The following SULT1B1 variants were observed in gnomAD, a reference collection of about 807,000 sequenced individuals.
SULT1B1 encodes the protein sulfotransferase family 1B member 1.
SULT1B1 carries 28 observed loss-of-function variants against 34.6 expected under a neutral mutation model. That is an observed-to-expected ratio of 0.81 (90% CI 0.60 to 1.11). The LOEUF is 1.11. Ranked by LOEUF, SULT1B1 falls within the 50% of genes least tolerant of loss-of-function variation. The probability of loss-of-function intolerance (pLI) is 0.00; values close to 1 mark genes in which losing one functional copy is unlikely to be tolerated. For synonymous variants in SULT1B1, 147 were observed against 110.2 expected, an observed-to-expected ratio of 1.33 and a Z score of -2.09; for missense variants, 374 against 352.2, an observed-to-expected ratio of 1.06 and a Z score of -0.50.
In SULT1B1 at chr4:69,734,138, C is replaced by A. The variant is rs554426974; in HGVS notation, c.502G>T (p.Val168Leu). The A allele has an allele frequency of 1.4e-5, 22 of 1,604,028 alleles. No individual in the cohort carries two copies. Among genetic ancestry groups the A allele is most frequent in the Admixed American group, 1.2e-4 (7 of 59,280 alleles). Residue 168 changes from valine to leucine, a missense_variant and splice_region_variant, in exon 5 of 8, where the codon GTG (valine) becomes TTG (leucine). Physicochemically the swap from Val to Leu is conservative, Grantham distance 32. Transcript: ENST00000310613. ...CAATTTTAAGATAAAGTCCACATAC[C>A]TTTTCCAGTTAAGAATTTCTCCAGA... ...EYLEKFLTGKVAYGSWFTHVK... is the reference protein window; with the variant it reads ...EYLEKFLTGKLAYGSWFTHVK...
chr4:69,752,542 A>G (rs1439617405), intron 3 of SULT1B1, among the ~76,000 whole-genome samples: 1 of 152,222 alleles, frequency 6.6e-6, no homozygotes, highest in Non-Finnish European at 1.5e-5. Context: ...AAATAATAAT[A>G]TTTATAAGCT....
chr4:69,729,388 A>C (rs1271003950), intron 7 of SULT1B1, among the ~76,000 whole-genome samples: 1 of 152,040 alleles, frequency 6.6e-6, no homozygotes, highest in African/African-American at 2.4e-5. Context: ...TCCTGGAACC[A>C]ATCCCCCACA....
At chr4:69,729,261 G>GT (rs889748298) in intron 7 of SULT1B1, among the ~76,000 whole-genome samples, 1 of 151,890 alleles carries the variant, frequency 6.6e-6, no homozygotes, top group African/African-American at 2.4e-5. Flanking sequence ...CTTATATGCA[G>GT]TTTTTTTCCA....
chr4:69,730,783 G>T (rs1718050941), intron 6 of SULT1B1, 102 bp from the exon 7 acceptor site: 8 of 987,000 alleles, frequency 8.1e-6, no homozygotes, highest in South Asian at 1.8e-5. Context: ...ACTCTGAATA[G>T]TATAGGAAAT....
At chr4:69,745,260 T>C (rs1486838112) in intron 4 of SULT1B1, among the ~76,000 whole-genome samples, 1 of 152,196 alleles carries the variant, frequency 6.6e-6, no homozygotes, top group East Asian at 1.9e-4. Flanking sequence ...TGAGTTTAAG[T>C]CCTGAGTGTC....
chr4:69,745,401 A>G (rs1604741), intron 4 of SULT1B1, among the ~76,000 whole-genome samples: 69,737 of 152,002 alleles, frequency 0.46, 16,530 homozygotes, highest in Middle Eastern at 0.53. Flanking sequence ...TTGGATGCAT[A>G]TGTATTTAGA....
chr4:69,743,928 G>C (rs529044880), intron 4 of SULT1B1, among the ~76,000 whole-genome samples: 1 of 152,258 alleles, frequency 6.6e-6, no homozygotes, highest in Admixed American at 6.5e-5. Flanking sequence ...GCTGCGCATG[G>C]GTGGCTGCAG....
chr4:69,747,527 G>A (rs1446517288), intron 4 of SULT1B1, among the ~76,000 whole-genome samples: 2 of 152,174 alleles, frequency 1.3e-5, no homozygotes, highest in East Asian at 3.9e-4. Context: ...TGCAAAACAG[G>A]CCTGCTTTCT....
Position 69,722,811 on chromosome 4 carries a change from C to G in SULT1B1, c.*4277G>C, listed in dbSNP as rs954670911. 2 of 152,064 alleles carry G rather than the reference C, an allele frequency of 1.3e-5. No homozygotes were observed. Among genetic ancestry groups the G allele is most frequent in the African/African-American group, 4.8e-5 (2 of 41,394 alleles). 9.4% of individuals were successfully genotyped at this position (152,064 alleles called of 1,614,324 possible). On this transcript the variant is annotated 3_prime_UTR_variant, in exon 8 of 8. Transcript: ENST00000310613. ...TCAAAATACGATAAGCCATAGCTAC[C>G]TCAGTTGTGGCTCAGAAAGTCTAAC...
intron 6 of SULT1B1, among the ~76,000 whole-genome samples, chr4:69,731,829 T>A (rs758424987): frequency 3.3e-5 from 5 of 152,190 alleles, no homozygotes; most frequent in Non-Finnish European, 7.3e-5. Context: ...TAAAGCATTT[T>A]AGCTAAATAA....
chr4:69,734,289 G>T, intron 4 of SULT1B1, 25 bp from the exon 5 acceptor site: 1 of 1,590,154 alleles, frequency 6.3e-7, no homozygotes, highest in South Asian at 1.2e-5. Context: ...GGGGGTAGGA[G>T]AAAAAAATAA....
intron 5 of SULT1B1, among the ~76,000 whole-genome samples, chr4:69,733,721 A>T (rs1222166550): frequency 6.6e-6 from 1 of 152,186 alleles, no homozygotes; most frequent in African/African-American, 2.4e-5. Context: ...TCAGACAAAA[A>T]TACACTGACC....
At chr4:69,746,175 T>A (rs1449695197) in intron 4 of SULT1B1, among the ~76,000 whole-genome samples, 2 of 152,236 alleles carry the variant, frequency 1.3e-5, no homozygotes, top group Admixed American at 1.3e-4. Flanking sequence ...CCTCTTTCAC[T>A]CTATATTTTG....
rs1298905396 is a variant in SULT1B1 at position 69,724,254 on chromosome 4, G to A, written c.*2834C>T. ...TAACAGACAGAGAGCCAAATCAGGA[G>A]TGAACTCCCATTCACAATTGCTTCA... On this transcript the variant is annotated 3_prime_UTR_variant, in exon 8 of 8. Transcript: ENST00000310613. The A allele has an allele frequency of 6.6e-6, 1 of 152,168 alleles. No homozygotes were observed. Among genetic ancestry groups the A allele is most frequent in the African/African-American group, 2.4e-5 (1 of 41,424 alleles). The allele number at this position is 152,168 out of a possible 1,614,324, so 9.4% of individuals were successfully genotyped here.
chr4:69,756,891 T>A (rs2110033326), intron 1 of SULT1B1, among the ~76,000 whole-genome samples: 1 of 152,176 alleles, frequency 6.6e-6, no homozygotes, highest in Non-Finnish European at 1.5e-5. Flanking sequence ...CCATTCACAT[T>A]AGGGAAGGCA....
intron 4 of SULT1B1, among the ~76,000 whole-genome samples, chr4:69,742,968 C>T (rs1369632756): frequency 6.6e-6 from 1 of 152,220 alleles, no homozygotes; most frequent in African/African-American, 2.4e-5. Flanking sequence ...CACAGTGGCA[C>T]CCAGAAGCTT....
At chr4:69,757,653 AT>A (rs1463203913) in intron 1 of SULT1B1, among the ~76,000 whole-genome samples, 19 of 152,266 alleles carry the variant, frequency 1.2e-4, no homozygotes, top group African/African-American at 4.6e-4. Flanking sequence ...ATATTGTAAG[AT>A]GTGTATTACG....
At chr4:69,733,560 C>T (rs1718173512) in intron 5 of SULT1B1, 53 bp from the exon 6 acceptor site, 9 of 1,318,188 alleles carry the variant, frequency 6.8e-6, no homozygotes, top group Non-Finnish European at 9.4e-6. Context: ...TTAAATATTT[C>T]TGTCTGAATA....
In SULT1B1 at chr4:69,754,783, C is replaced by T. The variant is rs1422529712; in HGVS notation, c.164G>A (p.Ser55Asn). ...TYPKSGTTWV[S>N]EIIDMILNDG... ...ATTTAGAATCATGTCTATAATTTCA[C>T]TAACCCAAGTAGTACCTGTGACAAA... Residue 55 changes from serine to asparagine, a missense_variant, in exon 3 of 8, where the codon AGT (serine) becomes AAT (asparagine). Ser to Asn is a conservative substitution (Grantham distance 46). Transcript: ENST00000310613. 1.2e-6 allele frequency: 2 copies of T among 1,612,460 alleles called. No homozygotes were observed. The highest frequency in any genetic ancestry group is 1.7e-4 in the Middle Eastern group (1 of 6,052).
Sources: allele counts gnomAD v4.1 joint callset (sites outside exome capture counted in the v4.1 genomes callset), GRCh38; gene constraint gnomAD v4.1.1; transcripts MANE v1.5; gene names NCBI Gene and HGNC (gene_info 2026-07-23, HGNC 2026-07-21).